Variants in STK33 observed in about 807,000 individuals in gnomAD.
The protein encoded by STK33 is serine/threonine kinase 33.
Under a neutral mutation model 58.0 loss-of-function variants are expected in STK33, and 52 were observed. That is an observed-to-expected ratio of 0.90 (90% CI 0.72 to 1.13). The LOEUF is 1.13. Among genes scored for constraint, STK33 ranks in the 50% most tolerant of loss-of-function variants. The pLI is 0.00. For missense variants in STK33, 630 were observed against 604.2 expected, an observed-to-expected ratio of 1.04 and a Z score of -0.45; for synonymous variants, 215 against 200.1, an observed-to-expected ratio of 1.07 and a Z score of -0.63.
intron 15 of STK33, 59 bp from the exon 16 acceptor site, chr11:8,392,769 G>C: frequency 1.3e-6 from 2 of 1,567,674 alleles, no homozygotes; most frequent in South Asian, 1.1e-5. Flanking sequence ...TCAATTCAAA[G>C]ATGCAAGGAA....
intron 1 of STK33, among the ~76,000 whole-genome samples, chr11:8,492,554 C>T (rs1278971116): frequency 6.6e-6 from 1 of 152,176 alleles, no homozygotes; most frequent in African/African-American, 2.4e-5. Context: ...AGAAAGTTAA[C>T]AAGGATATCC....
At chr11:8,457,307 A>C in intron 9 of STK33, 34 bp downstream of exon 9, 1 of 1,487,616 alleles carries the variant, frequency 6.7e-7, no homozygotes, top group Non-Finnish European at 9.1e-7. Context: ...ATTAGTATTC[A>C]TGGGGTCAAT....
At chr11:8,448,975 A>G (rs373018460) in intron 11 of STK33, among the ~76,000 whole-genome samples, 3 of 151,730 alleles carry the variant, frequency 2.0e-5, no homozygotes, top group African/African-American at 7.3e-5. Context: ...GGGCAAAGGA[A>G]ATGAACAGAC....
chr11:8,405,743 G>A (rs1272904792), intron 15 of STK33, among the ~76,000 whole-genome samples: 2 of 151,910 alleles, frequency 1.3e-5, no homozygotes, highest in Non-Finnish European at 2.9e-5. Context: ...TTTAGCTAGG[G>A]GGTCAAATTT....
the STK33 span, among the ~76,000 whole-genome samples, chr11:8,379,159 G>T: frequency 6.6e-5 from 10 of 152,106 alleles, no homozygotes; most frequent in African/African-American, 2.4e-4. Context: ...CGGATCAAAA[G>T]ACTTGAATCT....
chr11:8,583,144 C>G (rs1427793318), intron 1 of STK33, among the ~76,000 whole-genome samples: 1 of 152,192 alleles, frequency 6.6e-6, no homozygotes, highest in Non-Finnish European at 1.5e-5. Flanking sequence ...CTTACAGATA[C>G]GTCTAGTCCT....
intron 15 of STK33, among the ~76,000 whole-genome samples, chr11:8,410,478 T>C (rs1940045513): frequency 6.7e-6 from 1 of 148,504 alleles, no homozygotes; most frequent in Admixed American, 6.7e-5. Flanking sequence ...TTCTTTTTTT[T>C]TTTTTTTTTT....
At chr11:8,352,304 T>C in the STK33 span, among the ~76,000 whole-genome samples, 1 of 152,188 alleles carries the variant, frequency 6.6e-6, no homozygotes, top group South Asian at 2.1e-4. Flanking sequence ...GACAGAGCTC[T>C]AGGGTTTCAG....
At position 8,562,613 on chromosome 11, in the gene STK33, AT is replaced by A. The variant is rs748020302; in HGVS notation, c.-466+31469del. On this transcript the variant is annotated intron_variant, in intron 1 of 15. Coordinates refer to ENST00000687296, the MANE Select transcript of STK33 (RefSeq NM_001352389.2). ...ACTGAGCCATTTCCTAGTTTCACAG[AT>A]TTTTTTTTTGTTTGCTTTTCATTCT... 2.6e-3 allele frequency among the ~76,000 whole-genome samples: 388 copies of A among 149,838 alleles called. 2 individuals carry two copies. The highest frequency in any genetic ancestry group is 5.5e-3 in the African/African-American group (227 of 40,904).
chr11:8,339,755 G>A, the STK33 span, among the ~76,000 whole-genome samples: 1 of 152,338 alleles, frequency 6.6e-6, no homozygotes, highest in East Asian at 1.9e-4. Context: ...ATCGGGGAGA[G>A]GACTAAAGCT....
chr11:8,591,851 G>A (rs1313158186), intron 1 of STK33, among the ~76,000 whole-genome samples: 2 of 151,454 alleles, frequency 1.3e-5, no homozygotes, highest in Non-Finnish European at 2.9e-5. Context: ...GGGGGGGAGT[G>A]GGGAGGGATA....
the STK33 span, among the ~76,000 whole-genome samples, chr11:8,336,572 G>A: frequency 3.5e-3 from 532 of 152,348 alleles, 4 homozygotes; most frequent in South Asian, 3.1e-3. Context: ...GAAAGTGCAC[G>A]CAGGCAGCAC....
chr11:8,425,252 C>G (rs1421008258), intron 14 of STK33, among the ~76,000 whole-genome samples: 2 of 152,114 alleles, frequency 1.3e-5, no homozygotes, highest in South Asian at 2.1e-4. Flanking sequence ...AATCGTTTCC[C>G]CATTTCTTGT....
intron 1 of STK33, among the ~76,000 whole-genome samples, chr11:8,496,731 C>A (rs190983535): frequency 6.6e-6 from 1 of 151,950 alleles, no homozygotes; most frequent in Non-Finnish European, 1.5e-5. Context: ...CCCACCACCA[C>A]GCCCGGCTAA....
intron 1 of STK33, among the ~76,000 whole-genome samples, chr11:8,570,834 A>C (rs1382286324): frequency 5.9e-5 from 9 of 152,160 alleles, no homozygotes. Context: ...CAAATTGTAC[A>C]CTTTAAGCAT....
chr11:8,457,629 A>G (rs1554946489), intron 8 of STK33, 150 bp from the exon 9 acceptor site: 12 of 658,216 alleles, frequency 1.8e-5, no homozygotes, highest in Non-Finnish European at 2.8e-5. Flanking sequence ...CATACTGGAT[A>G]CTAGAGAAAC....
At chr11:8,417,339 C>T (rs1941276706) in intron 14 of STK33, among the ~76,000 whole-genome samples, 1 of 152,068 alleles carries the variant, frequency 6.6e-6, no homozygotes, top group South Asian at 2.1e-4. Flanking sequence ...AAATGAAACT[C>T]ATGGAAGAGA....
At chr11:8,475,883 T>G (rs553481682) in intron 4 of STK33, 1 of 152,232 alleles carries the variant, frequency 6.6e-6, no homozygotes, top group South Asian at 2.1e-4. Context: ...TCTGTAGTCA[T>G]AGATTGATAA....
chr11:8,481,430 A>G (rs1033502958), intron 1 of STK33, among the ~76,000 whole-genome samples: 1 of 152,238 alleles, frequency 6.6e-6, no homozygotes, highest in Admixed American at 6.5e-5. Flanking sequence ...AAAGACGTCC[A>G]TTAAGTAAGG....
Sources: gnomAD v4.1 joint callset for allele counts (sites outside exome capture counted in the v4.1 genomes callset) on GRCh38, gnomAD v4.1.1 for gene constraint, MANE v1.5 for transcripts, NCBI Gene and HGNC (gene_info 2026-07-23, HGNC 2026-07-21) for gene names.